The following PTPRG variants were observed in gnomAD, a reference collection of about 807,000 sequenced individuals.
The protein encoded by PTPRG is protein tyrosine phosphatase receptor type G.
A neutral mutation model predicts 165.3 loss-of-function variants in PTPRG; 102 were observed. The ratio of observed to expected loss-of-function variants is 0.62; its 90% CI spans 0.53 to 0.73. PTPRG has a LOEUF of 0.73. PTPRG is among the 30% of genes least tolerant of loss of function. The probability of loss-of-function intolerance (pLI) is 0.00; values close to 1 mark genes in which losing one functional copy is unlikely to be tolerated. For synonymous variants in PTPRG, 675 were observed against 669.5 expected, an observed-to-expected ratio of 1.01 and a Z score of -0.13; for missense variants, 1,866 against 1,861.4, an observed-to-expected ratio of 1.00 and a Z score of -0.05.
At chr3:61,947,812 C>G (rs2039799518) in intron 2 of PTPRG, among the ~76,000 whole-genome samples, 1 of 152,184 alleles carries the variant, frequency 6.6e-6, no homozygotes, top group Non-Finnish European at 1.5e-5. Context: ...GGACCAGTCA[C>G]CGCATCTAGA....
Position 61,940,481 on chromosome 3 carries a change from T to C in PTPRG, c.191-49144T>C, listed in dbSNP as rs530754881. Among the ~76,000 whole-genome samples the C allele has an allele frequency of 2.6e-5, 4 of 152,236 alleles. No homozygotes were observed. The East Asian group carries it at 7.8e-4, about 30-fold the overall frequency. On this transcript the variant is annotated intron_variant, in intron 2 of 29. Coordinates refer to ENST00000474889, the MANE Select transcript of PTPRG (RefSeq NM_002841.4). ...CTGAAGGAAGTGCCAAGATTTTTTT[T>C]CTCCTTCACTGATTCCTCCTTTCTG...
chr3:61,997,025 G>C (rs1286806950), intron 3 of PTPRG, among the ~76,000 whole-genome samples: 2 of 152,174 alleles, frequency 1.3e-5, no homozygotes, highest in Non-Finnish European at 2.9e-5. Flanking sequence ...AGCGTTCTCT[G>C]CTAGACTCCT....
Position 62,271,344 on chromosome 3 carries a change from C to T in PTPRG, c.3010-39C>T, listed in dbSNP as rs1053725700. On this transcript the variant is annotated intron_variant, in intron 20 of 29. Coordinates refer to ENST00000474889, the MANE Select transcript of PTPRG (RefSeq NM_002841.4). The surrounding 1 kb of genome is among the most constrained non-coding windows in gnomAD (Gnocchi z 4.1). ...CATTATTTTTTTCCAGAATGTCCAC[C>T]CCCCCGCTTAAAGACATCTTTTTTC... The T allele has an allele frequency of 6.6e-7, 1 of 1,520,362 alleles. No homozygotes were observed. Among genetic ancestry groups the T allele is most frequent in the Admixed American group, 1.9e-5 (1 of 53,346 alleles). 94.2% of individuals were successfully genotyped at this position (1,520,362 alleles called of 1,614,324 possible). A position where few individuals can be genotyped will look rare whatever the true frequency, so the allele number is the denominator to read the frequency against.
intron 2 of PTPRG, among the ~76,000 whole-genome samples, chr3:61,858,586 G>A (rs1472437396): frequency 6.6e-6 from 1 of 151,994 alleles, no homozygotes; most frequent in Admixed American, 6.6e-5. Context: ...AAGCTTTTCT[G>A]GAATATTAGG....
intron 2 of PTPRG, among the ~76,000 whole-genome samples, chr3:61,984,178 A>G (rs551668483): frequency 1.3e-5 from 2 of 152,206 alleles, no homozygotes; most frequent in East Asian, 1.9e-4. Context: ...TCAAAATGAG[A>G]AAAATACAGT....
intron 4 of PTPRG, among the ~76,000 whole-genome samples, chr3:62,056,198 C>T (rs1290041911): frequency 1.3e-5 from 2 of 152,188 alleles, no homozygotes; most frequent in Non-Finnish European, 2.9e-5. Flanking sequence ...CGAATATGCC[C>T]TGGTAAGAAG....
At chr3:62,001,675 A>G (rs924002468) in intron 3 of PTPRG, among the ~76,000 whole-genome samples, 6 of 152,058 alleles carry the variant, frequency 3.9e-5, no homozygotes, top group African/African-American at 9.7e-5. Flanking sequence ...TCACACAATG[A>G]TAAGTTTCCC....
intron 5 of PTPRG, among the ~76,000 whole-genome samples, chr3:62,085,687 CTA>C (rs903929025): frequency 4.6e-5 from 7 of 152,158 alleles, no homozygotes. Flanking sequence ...CTTTACATGT[CTA>C]TGTTTTTCTG....
At chr3:61,857,248 A>G (rs2037134776) in intron 2 of PTPRG, among the ~76,000 whole-genome samples, 1 of 152,212 alleles carries the variant, frequency 6.6e-6, no homozygotes. Flanking sequence ...GAGAGTTTCA[A>G]TGACTTGCTC....
Position 61,969,735 on chromosome 3 carries a change from C to G in PTPRG, c.191-19890C>G, listed in dbSNP as rs528164803. ...TCATTGGGACTAAAACATTTGGCAC[C>G]TATCAGCTGCATATGTCCAACCTGG... On this transcript the variant is annotated intron_variant, in intron 2 of 29. Coordinates refer to ENST00000474889, the MANE Select transcript of PTPRG (RefSeq NM_002841.4). Among the ~76,000 whole-genome samples the G allele has an allele frequency of 7.2e-5, 11 of 152,244 alleles. No homozygotes were observed. The South Asian group carries it at 2.1e-3, about 29-fold the overall frequency.
chr3:61,929,834 A>G (rs1559695495), intron 2 of PTPRG, among the ~76,000 whole-genome samples: 1 of 152,198 alleles, frequency 6.6e-6, no homozygotes, highest in Non-Finnish European at 1.5e-5. Context: ...TCACATGTGC[A>G]GTTGATTAAG....
intron 4 of PTPRG, among the ~76,000 whole-genome samples, chr3:62,074,325 CT>C (rs1701307900): frequency 7.6e-6 from 1 of 131,064 alleles, no homozygotes; most frequent in South Asian, 2.5e-4. Flanking sequence ...ATCTTTTTTT[CT>C]TTTTTTCCTT....
chr3:61,955,007 G>A (rs896988816), intron 2 of PTPRG, among the ~76,000 whole-genome samples: 1 of 152,182 alleles, frequency 6.6e-6, no homozygotes, highest in Non-Finnish European at 1.5e-5. Context: ...TATCATCATA[G>A]TATTATTTCA....
chr3:62,181,226 C>T (rs776314097), intron 8 of PTPRG, among the ~76,000 whole-genome samples: 8 of 152,292 alleles, frequency 5.3e-5, no homozygotes, highest in East Asian at 1.9e-4. Flanking sequence ...GGTCCCACAT[C>T]GGAAGAAGGT....
chr3:61,917,179 A>G (rs2038961408), intron 2 of PTPRG, among the ~76,000 whole-genome samples: 1 of 152,066 alleles, frequency 6.6e-6, no homozygotes, highest in African/African-American at 2.4e-5. Context: ...CTGCCAAGTT[A>G]GACGCTCGGC....
intron 3 of PTPRG, among the ~76,000 whole-genome samples, chr3:61,998,750 T>A (rs1381501106): frequency 3.3e-5 from 5 of 152,232 alleles, no homozygotes; most frequent in Non-Finnish European, 2.9e-5. Flanking sequence ...ATCATTCTGC[T>A]TTGATTTCAT....
chr3:62,027,516 G>T (rs1186379753), intron 4 of PTPRG, among the ~76,000 whole-genome samples: 1 of 152,138 alleles, frequency 6.6e-6, no homozygotes, highest in Non-Finnish European at 1.5e-5. Flanking sequence ...TGAGATCCTG[G>T]CTGAAAGCAA....
At chr3:62,243,729 A>G (rs2106952055) in intron 14 of PTPRG, 78 bp from the exon 15 acceptor site, 1 of 914,526 alleles carries the variant, frequency 1.1e-6, no homozygotes, top group Non-Finnish European at 1.7e-6. Flanking sequence ...GGGAAGATCT[A>G]TAAAATAAGA....
At chr3:61,780,730 C>T (rs896893474) in intron 2 of PTPRG, among the ~76,000 whole-genome samples, 2 of 152,162 alleles carry the variant, frequency 1.3e-5, no homozygotes, top group African/African-American at 4.8e-5. Context: ...GTTGTATTTG[C>T]ATCCATGATC....
Sources: allele counts gnomAD v4.1 joint callset (sites outside exome capture counted in the v4.1 genomes callset), GRCh38; gene constraint gnomAD v4.1.1; non-coding constraint Gnocchi (gnomAD v3.1); transcripts MANE v1.5; gene names NCBI Gene and HGNC (gene_info 2026-07-23, HGNC 2026-07-21).